SLC44A5: variants seen among roughly 807,000 people sequenced by gnomAD.
SLC44A5 encodes solute carrier family 44 member 5, also known as choline transporter-like protein 5.
Under a neutral mutation model 101.8 loss-of-function variants are expected in SLC44A5, and 57 were observed. The ratio of observed to expected loss-of-function variants is 0.56; its 90% CI spans 0.45 to 0.70. The LOEUF (loss-of-function observed/expected upper bound fraction) is 0.70. SLC44A5 is among the 30% of genes least tolerant of loss of function. The pLI is 0.00. For synonymous variants in SLC44A5, 281 were observed against 290.9 expected, an observed-to-expected ratio of 0.97 and a Z score of 0.35; for missense variants, 737 against 853.1, an observed-to-expected ratio of 0.86 and a Z score of 1.70.
intron 1 of SLC44A5, among the ~76,000 whole-genome samples, chr1:75,596,242 G>A (rs211683): frequency 0.68 from 102,390 of 151,682 alleles, 34,901 homozygotes; most frequent in East Asian, 0.84. Context: ...TAATGTTCAC[G>A]AGAGAAAATT....
chr1:75,587,992 C>T (rs1269509175), intron 1 of SLC44A5, among the ~76,000 whole-genome samples: 1 of 152,028 alleles, frequency 6.6e-6, no homozygotes, highest in East Asian at 1.9e-4. Context: ...TCAGGCAAGC[C>T]AATGTGAGAA....
chr1:75,207,551 A>G (rs1646772827), intron 23 of SLC44A5, among the ~76,000 whole-genome samples: 1 of 152,152 alleles, frequency 6.6e-6, no homozygotes, highest in Non-Finnish European at 1.5e-5. Context: ...TAGTAGCTAT[A>G]GTCTTGGGAA....
intron 18 of SLC44A5, among the ~76,000 whole-genome samples, chr1:75,217,125 T>G (rs1646977458): frequency 6.6e-6 from 1 of 152,098 alleles, no homozygotes; most frequent in South Asian, 2.1e-4. Flanking sequence ...TTAATTTTTG[T>G]ATGTTAATGT....
chr1:75,628,835 AC>A, the SLC44A5 span, among the ~76,000 whole-genome samples: 1 of 152,118 alleles, frequency 6.6e-6, no homozygotes, highest in Non-Finnish European at 1.5e-5. Flanking sequence ...GAAAAGTATA[AC>A]CACCTACTCC....
At chr1:75,669,605 A>G in the SLC44A5 span, among the ~76,000 whole-genome samples, 2 of 152,194 alleles carry the variant, frequency 1.3e-5, no homozygotes, top group African/African-American at 4.8e-5. Flanking sequence ...ATTACTTTTA[A>G]TAACGAACAT....
chr1:75,582,383 G>T, intron 1 of SLC44A5: 1 of 804,080 alleles, frequency 1.2e-6, no homozygotes, highest in Non-Finnish European at 2.1e-6. Flanking sequence ...CCATCGACTT[G>T]CCCACATTGC....
At chr1:75,626,539 AG>A in the SLC44A5 span, among the ~76,000 whole-genome samples, 2 of 152,172 alleles carry the variant, frequency 1.3e-5, no homozygotes, top group African/African-American at 4.8e-5. Context: ...ATGCACACAG[AG>A]GGCTGCAAGA....
In SLC44A5 at chr1:75,323,048, G is replaced by A. The variant is rs538934380; in HGVS notation, c.101+16534C>T. Among the ~76,000 whole-genome samples the A allele has an allele frequency of 4.8e-5, 7 of 146,620 alleles. No homozygotes were observed. The South Asian group carries it at 6.7e-4, about 14-fold the overall frequency. Reference sequence around the variant, plus strand: ...GCTGGTGCGCTGCACCCACTAACTCGTCATCTAGCATTAGGTATATCTCCC... The same window carrying A: ...GCTGGTGCGCTGCACCCACTAACTCATCATCTAGCATTAGGTATATCTCCC... On this transcript the variant is annotated intron_variant, in intron 4 of 23. Transcript: ENST00000370859.
the SLC44A5 span, among the ~76,000 whole-genome samples, chr1:75,659,935 T>C: frequency 6.6e-6 from 1 of 152,034 alleles, no homozygotes; most frequent in African/African-American, 2.4e-5. Flanking sequence ...AAATGTAATA[T>C]ATCAGATTAA....
chr1:75,229,317 G>A (rs1283614027), intron 12 of SLC44A5, among the ~76,000 whole-genome samples: 1 of 151,916 alleles, frequency 6.6e-6, no homozygotes. Context: ...GCCCTACATT[G>A]CCTCCCTGTT....
Position 75,249,514 on chromosome 1 carries a change from A to G in SLC44A5, c.345+1696T>C, listed in dbSNP as rs1434873140. ...GTTAAAGGACAGAAAATCACCTCCC[A>G]GGTGGCCAAGCAAACGGCTATAGGA... On this transcript the variant is annotated intron_variant, in intron 7 of 23. Coordinates refer to ENST00000370859, the MANE Select transcript of SLC44A5 (RefSeq NM_001130058.2). Among the ~76,000 whole-genome samples, 3 of 152,206 alleles carry G rather than the reference A, an allele frequency of 2.0e-5. No homozygotes were observed. The East Asian group carries it at 5.8e-4, about 30-fold the overall frequency.
At chr1:75,644,760 G>A in the SLC44A5 span, among the ~76,000 whole-genome samples, 1 of 151,980 alleles carries the variant, frequency 6.6e-6, no homozygotes, top group African/African-American at 2.4e-5. Flanking sequence ...ATTTACATTA[G>A]GTATATCTCC....
chr1:75,484,282 C>A (rs958521973), intron 2 of SLC44A5, among the ~76,000 whole-genome samples: 9 of 152,192 alleles, frequency 5.9e-5, no homozygotes, highest in Non-Finnish European at 1.3e-4. Context: ...TTCCAAGATG[C>A]AATGGGGGTA....
intron 2 of SLC44A5, among the ~76,000 whole-genome samples, chr1:75,434,212 C>T (rs1003207961): frequency 6.6e-6 from 1 of 152,112 alleles, no homozygotes; most frequent in African/African-American, 2.4e-5. Flanking sequence ...TTTAAGGAGG[C>T]TCCCATTTCC....
chr1:75,348,241 T>C (rs781522134), intron 3 of SLC44A5, among the ~76,000 whole-genome samples: 6 of 151,854 alleles, frequency 4.0e-5, no homozygotes, highest in Non-Finnish European at 5.9e-5. Context: ...CACTATAAAA[T>C]TGACAAAATA....
At chr1:75,600,803 T>C (rs1482663484) in intron 1 of SLC44A5, among the ~76,000 whole-genome samples, 1 of 152,188 alleles carries the variant, frequency 6.6e-6, no homozygotes, top group African/African-American at 2.4e-5. Context: ...CTATACCATA[T>C]AGCCTATCTA....
At chr1:75,609,978 G>A (rs768458313) in intron 1 of SLC44A5, among the ~76,000 whole-genome samples, 21 of 152,044 alleles carry the variant, frequency 1.4e-4, no homozygotes, top group Admixed American at 3.9e-4. Flanking sequence ...TCAGTCAGAT[G>A]TTGGCTGAAG....
At chr1:75,558,298 T>A (rs2102000453) in intron 1 of SLC44A5, among the ~76,000 whole-genome samples, 1 of 152,234 alleles carries the variant, frequency 6.6e-6, no homozygotes, top group South Asian at 2.1e-4. Context: ...TAAAACAAAT[T>A]TTCAAGTTAC....
chr1:75,395,523 G>A (rs1164362142), intron 3 of SLC44A5, among the ~76,000 whole-genome samples: 1 of 152,132 alleles, frequency 6.6e-6, no homozygotes, highest in Non-Finnish European at 1.5e-5. Context: ...TTTTGAAACT[G>A]TAAAATGCTA....
Sources: gnomAD v4.1 joint callset for allele counts (sites outside exome capture counted in the v4.1 genomes callset) on GRCh38, gnomAD v4.1.1 for gene constraint, MANE v1.5 for transcripts, NCBI Gene and HGNC (gene_info 2026-07-23, HGNC 2026-07-21) for gene names.